The following DLGAP2 variants were observed in gnomAD, a reference collection of about 807,000 sequenced individuals.
DLGAP2 encodes the protein DLG associated protein 2.
DLGAP2 carries 26 observed loss-of-function variants against 100.3 expected under a neutral mutation model. The ratio of observed to expected loss-of-function variants is 0.26; its 90% CI spans 0.19 to 0.36. The LOEUF is 0.36. Ranked by LOEUF, DLGAP2 falls within the 10% of genes least tolerant of loss-of-function variation. The pLI, the probability that DLGAP2 is intolerant of heterozygous loss-of-function variation, is 1.00. For synonymous variants in DLGAP2, 886 were observed against 630.1 expected, an observed-to-expected ratio of 1.41 and a Z score of -6.08; for missense variants, 1,858 against 1,453.2, an observed-to-expected ratio of 1.28 and a Z score of -4.53.
At chr8:1,348,511 G>C (rs1449464942) in intron 3 of DLGAP2, among the ~76,000 whole-genome samples, 4 of 146,192 alleles carry the variant, frequency 2.7e-5, no homozygotes, top group African/African-American at 1.0e-4. Flanking sequence ...TTGCACTCAT[G>C]ATAGCTGTTT....
At chr8:1,024,316 A>G (rs1232728921) in intron 2 of DLGAP2, among the ~76,000 whole-genome samples, 3 of 107,352 alleles carry the variant, frequency 2.8e-5, no homozygotes, top group East Asian at 2.8e-4. Context: ...CGAGGCAGAC[A>G]CCCCAGCCAC....
intron 3 of DLGAP2, among the ~76,000 whole-genome samples, chr8:1,368,204 G>C (rs1239881657): frequency 6.6e-6 from 1 of 152,094 alleles, no homozygotes; most frequent in African/African-American, 2.4e-5. Flanking sequence ...GTGTACGTGT[G>C]TGTCCATATA....
chr8:1,677,014 G>T (rs533489168), intron 11 of DLGAP2, among the ~76,000 whole-genome samples: 2 of 152,134 alleles, frequency 1.3e-5, no homozygotes, highest in African/African-American at 4.8e-5. Flanking sequence ...CCGTGAAATT[G>T]TTTCACTTCA....
intron 2 of DLGAP2, among the ~76,000 whole-genome samples, chr8:1,160,490 G>C (rs1796868988): frequency 6.6e-6 from 1 of 152,192 alleles, no homozygotes; most frequent in Non-Finnish European, 1.5e-5. Context: ...GTCTTTTGTG[G>C]TCATTTTTTC....
intron 2 of DLGAP2, among the ~76,000 whole-genome samples, chr8:1,034,498 C>T (rs1289168233): frequency 9.7e-5 from 7 of 71,974 alleles, no homozygotes; most frequent in Non-Finnish European, 1.5e-4. Context: ...ATCCCGACCC[C>T]GCGTGTCACC....
At chr8:1,384,695 G>C (rs1796175876) in intron 3 of DLGAP2, among the ~76,000 whole-genome samples, 4 of 82,928 alleles carry the variant, frequency 4.8e-5, no homozygotes, top group Admixed American at 1.2e-4. Flanking sequence ...CTGAGAACTT[G>C]GTGCACAGTT....
rs1013570971 is a variant in DLGAP2, at chr8:1,270,925, C to G, written c.106+12042C>G. The stretch of plus-strand genomic sequence containing the variant: ...ATTTGGTTTCCACGACTGTATACAC[C>G]GTTGACCTGCTACTTAGTAAAACTG... On this transcript the variant is annotated intron_variant, in intron 3 of 14. Coordinates refer to ENST00000637795, the MANE Select transcript of DLGAP2 (RefSeq NM_001346810.2). Among the ~76,000 whole-genome samples the G allele has an allele frequency of 2.6e-5, 4 of 152,006 alleles. No individual in the cohort carries two copies. In the South Asian group the frequency reaches 8.3e-4, roughly 32 times the overall value.
chr8:1,052,462 G>A (rs62488534), intron 2 of DLGAP2, among the ~76,000 whole-genome samples: 6,265 of 152,312 alleles, frequency 0.041, 161 homozygotes, highest in Middle Eastern at 0.071. Context: ...TTGCTGTAAG[G>A]CGTGGAAAAG....
At chr8:1,322,101 T>A (rs1563082203) in intron 3 of DLGAP2, among the ~76,000 whole-genome samples, 1 of 152,040 alleles carries the variant, frequency 6.6e-6, no homozygotes, top group Non-Finnish European at 1.5e-5. Context: ...ACTAATGATT[T>A]AAAAAAAAGT....
At chr8:1,652,914 C>G (rs1175183080) in intron 8 of DLGAP2, among the ~76,000 whole-genome samples, 1 of 152,220 alleles carries the variant, frequency 6.6e-6, no homozygotes, top group Admixed American at 6.5e-5. Context: ...ACAGATGACT[C>G]ATTGTGCAAT....
At chr8:1,690,225 A>G (rs1245866113) in intron 12 of DLGAP2, among the ~76,000 whole-genome samples, 2 of 151,840 alleles carry the variant, frequency 1.3e-5, no homozygotes, top group Non-Finnish European at 2.9e-5. Context: ...GCATGGTGGC[A>G]TGCACCTGTA....
intron 1 of DLGAP2, among the ~76,000 whole-genome samples, chr8:754,500 C>T (rs745942500): frequency 3.9e-5 from 6 of 152,180 alleles, no homozygotes; most frequent in South Asian, 4.1e-4. Flanking sequence ...CATTATCTTA[C>T]GTTCCTGAAG....
Position 1,668,627 on chromosome 8 carries a change from G to T in DLGAP2, c.2109G>T (p.Val703=). Residue 703 remains valine, a synonymous_variant, in exon 9 of 15, where the codon GTG becomes GTT. Coordinates refer to ENST00000637795, the MANE Select transcript of DLGAP2 (RefSeq NM_001346810.2). The part of the protein sequence containing the change: ...SVRTSDKAIL[V]SKAEELLKSR... Reference sequence around the variant, plus strand: ...GGACCAGCGACAAGGCCATCCTGGTGTCCAAGGCGGAGGAGCTCCTCAAGA... The same window carrying T: ...GGACCAGCGACAAGGCCATCCTGGTTTCCAAGGCGGAGGAGCTCCTCAAGA... 1 of 1,597,290 alleles carries T rather than the reference G, an allele frequency of 6.3e-7. No individual in the cohort carries two copies. Among genetic ancestry groups the T allele is most frequent in the Non-Finnish European group, 8.5e-7 (1 of 1,172,536 alleles).
chr8:957,704 T>G (rs1440697627), intron 2 of DLGAP2, among the ~76,000 whole-genome samples: 1 of 152,222 alleles, frequency 6.6e-6, no homozygotes, highest in Admixed American at 6.5e-5. Context: ...TCAGTCTAGT[T>G]TTATTAATCT....
chr8:1,072,438 G>A (rs1803463227), intron 2 of DLGAP2, among the ~76,000 whole-genome samples: 1 of 152,196 alleles, frequency 6.6e-6, no homozygotes, highest in South Asian at 2.1e-4. Flanking sequence ...GTCCTCCAAT[G>A]TAAGAATGTT....
intron 2 of DLGAP2, among the ~76,000 whole-genome samples, chr8:985,360 G>T (rs941303984): frequency 6.6e-6 from 1 of 152,202 alleles, no homozygotes; most frequent in Non-Finnish European, 1.5e-5. Context: ...GTGTAGGCAA[G>T]TTGCTTAATT....
At chr8:1,486,527 G>C (rs58300654) in intron 3 of DLGAP2, among the ~76,000 whole-genome samples, 8,121 of 152,208 alleles carry the variant, frequency 0.053, 676 homozygotes, top group African/African-American at 0.18. Context: ...GCTGTCTGCT[G>C]AGCACATTCC....
intron 3 of DLGAP2, among the ~76,000 whole-genome samples, chr8:1,450,950 A>G (rs1390151587): frequency 1.3e-5 from 2 of 152,048 alleles, no homozygotes; most frequent in Non-Finnish European, 2.9e-5. Context: ...TAATTTCTCT[A>G]TTTGGAAATG....
chr8:973,935 C>T (rs1237567879), intron 2 of DLGAP2, among the ~76,000 whole-genome samples: 2 of 151,268 alleles, frequency 1.3e-5, no homozygotes, highest in Non-Finnish European at 3.0e-5. Context: ...CTGGAGAGCG[C>T]TGGGCGCAAG....
Sources: allele counts gnomAD v4.1 joint callset (sites outside exome capture counted in the v4.1 genomes callset), GRCh38; gene constraint gnomAD v4.1.1; transcripts MANE v1.5; gene names NCBI Gene and HGNC (gene_info 2026-07-23, HGNC 2026-07-21).